Variants in NELL1 observed in about 807,000 individuals in gnomAD.
NELL1 encodes the protein neural EGFL like 1.
NELL1 carries 76 observed loss-of-function variants against 107.4 expected under a neutral mutation model. The observed-to-expected ratio is 0.71, with a 90% CI of 0.59 to 0.86. NELL1 has a LOEUF of 0.86. Among genes scored for constraint, NELL1 ranks in the 40% least tolerant of loss-of-function variants. The probability of loss-of-function intolerance (pLI) is 0.00; values close to 1 mark genes in which losing one functional copy is unlikely to be tolerated. For missense variants in NELL1, 1,024 were observed against 1,005.5 expected, an observed-to-expected ratio of 1.02 and a Z score of -0.25; for synonymous variants, 353 against 341.2, an observed-to-expected ratio of 1.03 and a Z score of -0.38.
At chr11:20,827,363 A>G (rs761391529) in intron 3 of NELL1, among the ~76,000 whole-genome samples, 1 of 151,282 alleles carries the variant, frequency 6.6e-6, no homozygotes, top group Non-Finnish European at 1.5e-5. Context: ...GGGATTTTCA[A>G]GGCTTATAAT....
intron 12 of NELL1, among the ~76,000 whole-genome samples, chr11:21,021,808 A>G (rs1343521349): frequency 6.6e-6 from 1 of 152,094 alleles, no homozygotes; most frequent in Non-Finnish European, 1.5e-5. Context: ...GTTTGGGCTG[A>G]CCCTCAATTA....
chr11:21,432,056 G>C lies in NELL1; in HGVS notation c.1645+61108G>C, dbSNP rs115260721. Among the ~76,000 whole-genome samples, 246 of 152,168 alleles carry C rather than the reference G, an allele frequency of 1.6e-3. 1 individual carries two copies. Among genetic ancestry groups the C allele is most frequent in the African/African-American group, 5.6e-3 (231 of 41,508 alleles). On this transcript the variant is annotated intron_variant, in intron 15 of 19. Transcript: ENST00000357134. ...TCTTATATGAGGCAATTATAACAGT[G>C]TATAGCATATAGCAAACTCTCAAGA...
At chr11:21,152,600 G>C (rs1856143571) in intron 13 of NELL1, among the ~76,000 whole-genome samples, 1 of 152,156 alleles carries the variant, frequency 6.6e-6, no homozygotes, top group African/African-American at 2.4e-5. Context: ...ACAGCAGACT[G>C]TTAGATGTCA....
Position 20,675,849 on chromosome 11 carries a change from T to C in NELL1, c.56-2083T>C, listed in dbSNP as rs370810775. Among the ~76,000 whole-genome samples, 9 of 152,072 alleles carry C rather than the reference T, an allele frequency of 5.9e-5. No homozygotes were observed. In the East Asian group the frequency reaches 1.5e-3, roughly 26 times the overall value. ...AGTGCAGTGGTGCTGCAGGATCTGC[T>C]TCCTGGGTGCAGGTGATCCTCCTAA... On this transcript the variant is annotated intron_variant, in intron 1 of 19. Coordinates refer to ENST00000357134, the MANE Select transcript of NELL1 (RefSeq NM_006157.5).
At chr11:21,319,984 T>C (rs960076269) in intron 14 of NELL1, among the ~76,000 whole-genome samples, 48 of 150,998 alleles carry the variant, frequency 3.2e-4, no homozygotes, top group Non-Finnish European at 5.9e-5. Flanking sequence ...GTATGAAGGC[T>C]GATGGGTGGA....
chr11:20,887,533 A>G (rs2134110347), intron 5 of NELL1, among the ~76,000 whole-genome samples: 1 of 152,312 alleles, frequency 6.6e-6, no homozygotes, highest in Middle Eastern at 3.4e-3. Context: ...AATTACTTAG[A>G]TCCCATGCGT....
chr11:21,442,951 T>C (rs1454749131), intron 15 of NELL1, among the ~76,000 whole-genome samples: 2 of 146,700 alleles, frequency 1.4e-5, no homozygotes, highest in East Asian at 4.0e-4. Context: ...CCTTTTTTTT[T>C]TTTTTTTTTT....
chr11:21,154,040 T>G (rs947160168), intron 13 of NELL1, among the ~76,000 whole-genome samples: 5 of 152,138 alleles, frequency 3.3e-5, no homozygotes, highest in African/African-American at 1.2e-4. Flanking sequence ...TCTCTTCCCA[T>G]TTAATGGACA....
chr11:21,011,789 C>T (rs1852452250), intron 12 of NELL1, among the ~76,000 whole-genome samples: 1 of 152,150 alleles, frequency 6.6e-6, no homozygotes, highest in Non-Finnish European at 1.5e-5. Context: ...TTTCCACAGG[C>T]CTGTGAGCTC....
At chr11:21,571,299 A>G (rs529695040) in intron 18 of NELL1, among the ~76,000 whole-genome samples, 12 of 151,994 alleles carry the variant, frequency 7.9e-5, no homozygotes, top group Non-Finnish European at 1.5e-4. Flanking sequence ...CATAACCCTT[A>G]AAGATTTCAA....
intron 3 of NELL1, among the ~76,000 whole-genome samples, chr11:20,828,723 A>G (rs1035373069): frequency 3.9e-5 from 6 of 152,066 alleles, no homozygotes; most frequent in Admixed American, 3.9e-4. Flanking sequence ...TATGCTCATC[A>G]TTTGTTTTTT....
At chr11:21,037,125 T>C (rs1286381173) in intron 12 of NELL1, among the ~76,000 whole-genome samples, 2 of 152,026 alleles carry the variant, frequency 1.3e-5, no homozygotes, top group African/African-American at 4.8e-5. Flanking sequence ...GTGATGAAAA[T>C]GTTTTATATC....
intron 13 of NELL1, among the ~76,000 whole-genome samples, chr11:21,127,684 T>TA (rs1855517799): frequency 6.6e-6 from 1 of 152,110 alleles, no homozygotes; most frequent in African/African-American, 2.4e-5. Flanking sequence ...CAACCTCTAT[T>TA]AACATTTTGC....
intron 15 of NELL1, among the ~76,000 whole-genome samples, chr11:21,492,761 G>T (rs1381258844): frequency 6.3e-5 from 7 of 110,840 alleles, no homozygotes; most frequent in African/African-American, 1.0e-4. Flanking sequence ...GGGGGGAGGG[G>T]GGAGGGATAG....
chr11:20,718,238 C>T (rs1342474236), intron 2 of NELL1, among the ~76,000 whole-genome samples: 3 of 152,134 alleles, frequency 2.0e-5, no homozygotes, highest in Non-Finnish European at 2.9e-5. Flanking sequence ...AGTCACAAGC[C>T]ACACGTGGCT....
chr11:21,561,962 G>A (rs1011153551), intron 17 of NELL1, among the ~76,000 whole-genome samples: 2 of 152,028 alleles, frequency 1.3e-5, no homozygotes, highest in Non-Finnish European at 2.9e-5. Flanking sequence ...TCAGCCAGCA[G>A]AATGGGGGTG....
chr11:20,768,754 A>G (rs1856583548), intron 2 of NELL1, among the ~76,000 whole-genome samples: 1 of 152,126 alleles, frequency 6.6e-6, no homozygotes. Context: ...GAGGAAGAAG[A>G]CACGACCCAA....
At chr11:20,944,227 T>G (rs1243539351) in intron 10 of NELL1, among the ~76,000 whole-genome samples, 1 of 152,198 alleles carries the variant, frequency 6.6e-6, no homozygotes, top group East Asian at 1.9e-4. Context: ...TCCACCCATT[T>G]TCATTTTCCT....
intron 12 of NELL1, among the ~76,000 whole-genome samples, chr11:21,070,955 T>G (rs1853997887): frequency 6.6e-6 from 1 of 152,184 alleles, no homozygotes; most frequent in Non-Finnish European, 1.5e-5. Flanking sequence ...ACTTAAAAAC[T>G]GACAAACACA....
Sources: allele counts gnomAD v4.1 joint callset (sites outside exome capture counted in the v4.1 genomes callset), GRCh38; gene constraint gnomAD v4.1.1; transcripts MANE v1.5; gene names NCBI Gene and HGNC (gene_info 2026-07-23, HGNC 2026-07-21).